The following ZYG11B variants were observed in gnomAD, a reference collection of about 807,000 sequenced individuals.
The protein encoded by ZYG11B is protein zyg-11 homolog B.
Under a neutral mutation model 82.4 loss-of-function variants are expected in ZYG11B, and 36 were observed. That is an observed-to-expected ratio of 0.44 (90% CI 0.33 to 0.58). The LOEUF is 0.58. Among genes scored for constraint, ZYG11B ranks in the 20% least tolerant of loss-of-function variants. ZYG11B has a pLI of 0.02. For missense variants in ZYG11B, 552 were observed against 895.6 expected (o/e 0.62, Z 4.90); for synonymous variants, 303 against 312.8 (o/e 0.97, Z 0.33).
intron 1 of ZYG11B, among the ~76,000 whole-genome samples, chr1:52,734,599 G>A (rs535762771): frequency 2.7e-3 from 403 of 150,788 alleles, no homozygotes; most frequent in Non-Finnish European, 4.6e-3. Flanking sequence ...GCAGTGAGCC[G>A]AGATCGCGCC....
intron 7 of ZYG11B, 75 bp downstream of exon 7, chr1:52,796,466 T>TAC: frequency 8.0e-7 from 1 of 1,250,930 alleles, no homozygotes. Context: ...CCCCAAAAGC[T>TAC]GTGTGCCAGA....
At chr1:52,729,041 T>C (rs1644308039) in intron 1 of ZYG11B, among the ~76,000 whole-genome samples, 1 of 152,182 alleles carries the variant, frequency 6.6e-6, no homozygotes, top group Non-Finnish European at 1.5e-5. Flanking sequence ...CTAGGTAGCT[T>C]GTCAGCAACA....
rs575188710 is a variant in ZYG11B at position 52,781,013 on chromosome 1, G to A, written c.1092+1020G>A. On this transcript the variant is annotated intron_variant, in intron 4 of 13. Coordinates refer to ENST00000294353, the MANE Select transcript of ZYG11B (RefSeq NM_024646.3). ...CAAAAAATTAGCCAAATGTGGTGGT[G>A]CACGCCAGTAATCCCAGCTACTCAG... Among the ~76,000 whole-genome samples the A allele has an allele frequency of 5.9e-5, 9 of 151,346 alleles. No homozygotes were observed. In the East Asian group the frequency reaches 1.8e-3, roughly 30 times the overall value.
rs1156509053 is a variant in ZYG11B, at chr1:52,825,670, AAAAAGC to A, written c.*4042_*4047del. The A allele has an allele frequency of 6.6e-6, 1 of 151,290 alleles. No homozygotes were observed. Among genetic ancestry groups the A allele is most frequent in the Non-Finnish European group, 1.5e-5 (1 of 67,836 alleles). 9.4% of individuals were successfully genotyped at this position (151,290 alleles called of 1,614,324 possible). ...GGCTATGTTAAAAAAAAAAAAAAAA[AAAAAGC>A]GAGAGAGAGAGATGGTGTCTCACTG... On this transcript the variant is annotated 3_prime_UTR_variant, in exon 14 of 14. Transcript: ENST00000294353.
Position 52,771,960 on chromosome 1 carries a change from T to TC in ZYG11B, c.951+187dup, listed in dbSNP as rs1644755588. Among the ~76,000 whole-genome samples the TC allele has an allele frequency of 6.6e-6, 1 of 152,152 alleles. No individual in the cohort carries two copies. On this transcript the variant is annotated intron_variant, in intron 3 of 13. Coordinates refer to ENST00000294353, the MANE Select transcript of ZYG11B (RefSeq NM_024646.3). This position sits in a 1 kb window ranked among gnomAD's most constrained non-coding sequence, Gnocchi z 5.4. Reference sequence around the variant, plus strand: ...ACCCAGAACAAGCTATGATGTCACTTCGAGTTTTTATTTATTTGTAGAATA... The same window carrying TC: ...ACCCAGAACAAGCTATGATGTCACTTCCGAGTTTTTATTTATTTGTAGAATA...
In ZYG11B at chr1:52,756,682, A is replaced by C. The variant is rs1644579819; in HGVS notation, c.196+59A>C. 2.0e-6 allele frequency: 3 copies of C among 1,518,394 alleles called. No individual in the cohort carries two copies. The African/African-American group carries it at 4.1e-5, about 21-fold the overall frequency. The allele number at this position is 1,518,394 out of a possible 1,614,324, so 94.1% of individuals were successfully genotyped here. On this transcript the variant is annotated intron_variant, in intron 2 of 13. Transcript: ENST00000294353. ...TGCTGTTAATTAGATTTGATTTTGA[A>C]GTGCTACAGTAGCCATTTAATTATT...
chr1:52,815,334 T>G (rs1645214352), intron 12 of ZYG11B, among the ~76,000 whole-genome samples: 1 of 152,046 alleles, frequency 6.6e-6, no homozygotes, highest in African/African-American at 2.4e-5. Flanking sequence ...AGACCTCATC[T>G]CTACTAAAAA....
Position 52,779,745 on chromosome 1 carries a change from C to T in ZYG11B, c.952-108C>T, listed in dbSNP as rs551670187. The T allele has an allele frequency of 1.2e-4, 168 of 1,384,958 alleles. No homozygotes were observed. The East Asian group carries it at 3.1e-3, about 26-fold the overall frequency. The allele number at this position is 1,384,958 out of a possible 1,614,324, so 85.8% of individuals were successfully genotyped here. A position where few individuals can be genotyped will look rare whatever the true frequency, so the allele number is the denominator to read the frequency against. ...CTTCACATGATCCACCCACCTTGGCCTCCCAAAGTACTGGGATTACAGGCG... is the reference window on the plus strand; with the variant it reads ...CTTCACATGATCCACCCACCTTGGCTTCCCAAAGTACTGGGATTACAGGCG... On this transcript the variant is annotated intron_variant, in intron 3 of 13. Transcript: ENST00000294353.
Position 52,824,105 on chromosome 1 carries a change from C to T in ZYG11B, c.*2476C>T, listed in dbSNP as rs1347760436. 3 of 152,082 alleles carry T rather than the reference C, an allele frequency of 2.0e-5. No individual in the cohort carries two copies. The highest frequency in any genetic ancestry group is 7.2e-5 in the African/African-American group (3 of 41,408). 9.4% of individuals were successfully genotyped at this position (152,082 alleles called of 1,614,324 possible). On this transcript the variant is annotated 3_prime_UTR_variant, in exon 14 of 14. Transcript: ENST00000294353. ...TGAGCTAAGATCGTGCCACTGCACT[C>T]CAGCCTGGACAACGGAGTGAGACTC... is the stretch of plus-strand genomic sequence containing the variant.
intron 10 of ZYG11B, among the ~76,000 whole-genome samples, chr1:52,802,622 ATTATAG>A (rs1391129737): frequency 4.6e-5 from 7 of 151,764 alleles, no homozygotes; most frequent in Non-Finnish European, 7.4e-5. Context: ...AAGTGCTGGG[ATTATAG>A]GCATGAGCTG....
chr1:52,782,597 A>T (rs1644865979), intron 4 of ZYG11B, among the ~76,000 whole-genome samples: 1 of 151,950 alleles, frequency 6.6e-6, no homozygotes, highest in Admixed American at 6.6e-5. Context: ...TTTATTTTTG[A>T]GACAGTGCCT....
chr1:52,811,513 C>T (rs1225675479), intron 10 of ZYG11B, among the ~76,000 whole-genome samples: 1 of 152,068 alleles, frequency 6.6e-6, no homozygotes, highest in Non-Finnish European at 1.5e-5. Flanking sequence ...CCTATGTTGC[C>T]CAGGTTGGTT....
At chr1:52,757,353 T>C (rs1644587205) in intron 2 of ZYG11B, among the ~76,000 whole-genome samples, 1 of 151,968 alleles carries the variant, frequency 6.6e-6, no homozygotes, top group Non-Finnish European at 1.5e-5. Context: ...CTATAACTTG[T>C]ATCCATTTGG....
At chr1:52,738,803 G>C (rs927499446) in intron 1 of ZYG11B, among the ~76,000 whole-genome samples, 1 of 151,142 alleles carries the variant, frequency 6.6e-6, no homozygotes, top group African/African-American at 2.4e-5. Context: ...ATTTTTAGTA[G>C]AGACGGGGTT....
At position 52,726,589 on chromosome 1, in the gene ZYG11B, C is replaced by T. The variant is rs1644286052; in HGVS notation, c.-65C>T. The T allele has an allele frequency of 7.3e-7, 1 of 1,362,494 alleles. No homozygotes were observed. Among genetic ancestry groups the T allele is most frequent in the African/African-American group, 1.5e-5 (1 of 65,266 alleles). The allele number at this position is 1,362,494 out of a possible 1,614,324, so 84.4% of individuals were successfully genotyped here. On this transcript the variant is annotated 5_prime_UTR_variant, in exon 1 of 14. Coordinates refer to ENST00000294353, the MANE Select transcript of ZYG11B (RefSeq NM_024646.3). ...GCTCGCCGGAGCCTCCTGGAGCCTCCGCGCCGGCTCAGCCTGGGGGCGGGC... is the reference window on the plus strand; with the variant it reads ...GCTCGCCGGAGCCTCCTGGAGCCTCTGCGCCGGCTCAGCCTGGGGGCGGGC...
intron 1 of ZYG11B, among the ~76,000 whole-genome samples, chr1:52,744,914 ACTTTTT>A (rs1437896502): frequency 1.3e-5 from 2 of 152,216 alleles, no homozygotes; most frequent in Non-Finnish European, 2.9e-5. Context: ...AAATTTTAAT[ACTTTTT>A]CTTCTACTTT....
At chr1:52,815,091 G>A (rs1205658572) in intron 12 of ZYG11B, among the ~76,000 whole-genome samples, 1 of 152,162 alleles carries the variant, frequency 6.6e-6, no homozygotes, top group Non-Finnish European at 1.5e-5. Context: ...TTGGGAGGTG[G>A]AGGTTGCAGT....
chr1:52,805,540 A>G (rs1389139459), intron 10 of ZYG11B: 1 of 454,968 alleles, frequency 2.2e-6, no homozygotes, highest in Non-Finnish European at 4.4e-6. Context: ...ATTTATTTTA[A>G]ATATTTGTGG....
intron 1 of ZYG11B, among the ~76,000 whole-genome samples, chr1:52,742,817 G>A (rs1473041892): frequency 5.3e-5 from 8 of 151,336 alleles, no homozygotes; most frequent in African/African-American, 1.5e-4. Flanking sequence ...ACTCCAGCCT[G>A]GGCGACAGAG....
Sources: allele counts gnomAD v4.1 joint callset (sites outside exome capture counted in the v4.1 genomes callset), GRCh38; gene constraint gnomAD v4.1.1; non-coding constraint Gnocchi (gnomAD v3.1); transcripts MANE v1.5; gene names NCBI Gene and HGNC (gene_info 2026-07-23, HGNC 2026-07-21).